Variants in RIMBP2 observed in about 807,000 individuals in gnomAD.
RIMBP2 encodes RIMS binding protein 2.
RIMBP2 carries 48 observed loss-of-function variants against 118.6 expected under a neutral mutation model. The observed-to-expected ratio is 0.40, with a 90% CI of 0.32 to 0.51. The LOEUF is 0.51. Among genes scored for constraint, RIMBP2 ranks in the 20% least tolerant of loss-of-function variants. The pLI, the probability that RIMBP2 is intolerant of heterozygous loss-of-function variation, is 0.41. For missense variants in RIMBP2, 1,551 were observed against 1,768.3 expected (o/e 0.88, Z 2.20); for synonymous variants, 762 against 742.9 (o/e 1.03, Z -0.42).
intron 15 of RIMBP2, 109 bp downstream of exon 15, chr12:130,428,070 G>A: frequency 1.9e-6 from 2 of 1,039,474 alleles, no homozygotes; most frequent in Non-Finnish European, 2.7e-6. Context: ...AGGGCTACTG[G>A]TTGTAGGGCA....
intron 2 of RIMBP2, among the ~76,000 whole-genome samples, chr12:130,572,854 G>A (rs1269466521): frequency 6.6e-6 from 1 of 152,142 alleles, no homozygotes; most frequent in Non-Finnish European, 1.5e-5. Flanking sequence ...CACCAACTCA[G>A]GGGACAGGTG....
At chr12:130,541,839 T>C (rs1326829886) in intron 2 of RIMBP2, among the ~76,000 whole-genome samples, 1 of 152,230 alleles carries the variant, frequency 6.6e-6, no homozygotes, top group East Asian at 1.9e-4. Flanking sequence ...TATATGTTTG[T>C]TGAACACTTT....
chr12:130,540,882 A>G (rs2054544524), intron 2 of RIMBP2, among the ~76,000 whole-genome samples: 1 of 152,150 alleles, frequency 6.6e-6, no homozygotes, highest in Non-Finnish European at 1.5e-5. Flanking sequence ...GGGTATTTCA[A>G]GGGGATTTGA....
intron 6 of RIMBP2, among the ~76,000 whole-genome samples, chr12:130,459,122 A>T (rs577753210): frequency 1.4e-4 from 22 of 152,024 alleles, no homozygotes; most frequent in Non-Finnish European, 2.8e-4. Flanking sequence ...ATAGCAATAA[A>T]GAACAGATCA....
At chr12:130,548,127 GAAGAC>G (rs2055356976) in intron 2 of RIMBP2, among the ~76,000 whole-genome samples, 1 of 150,982 alleles carries the variant, frequency 6.6e-6, no homozygotes, top group Non-Finnish European at 1.5e-5. Flanking sequence ...AGGAGTGACG[GAAGAC>G]AAGAAGCCCA....
intron 13 of RIMBP2, 66 bp downstream of exon 13, chr12:130,436,776 T>G: frequency 7.9e-7 from 1 of 1,270,232 alleles, no homozygotes; most frequent in Non-Finnish European, 1.0e-6. Flanking sequence ...GCTGGGGAGA[T>G]TACAGGGCCC....
intron 1 of RIMBP2, among the ~76,000 whole-genome samples, chr12:130,664,896 A>G (rs2063851508): frequency 1.3e-5 from 2 of 151,932 alleles, no homozygotes; most frequent in Admixed American, 6.5e-5. Context: ...CCTGCCAAGG[A>G]TGGGCCCATT....
intron 1 of RIMBP2, among the ~76,000 whole-genome samples, chr12:130,644,064 T>C (rs926822607): frequency 1.3e-5 from 2 of 152,006 alleles, no homozygotes; most frequent in African/African-American, 2.4e-5. Context: ...GCAGCCACCC[T>C]CCCAAAACAG....
intron 6 of RIMBP2, chr12:130,470,091 T>C (rs2080870207): frequency 6.6e-6 from 1 of 152,214 alleles, no homozygotes; most frequent in Non-Finnish European, 1.5e-5. Flanking sequence ...AGCCGTTGTT[T>C]CCTTCCCAAG....
chr12:130,649,922 C>A (rs1203768698), intron 1 of RIMBP2, among the ~76,000 whole-genome samples: 1 of 152,056 alleles, frequency 6.6e-6, no homozygotes, highest in Non-Finnish European at 1.5e-5. Flanking sequence ...CCCATAGGCT[C>A]AGGAGACTCC....
chr12:130,514,136 C>A (rs535798287), intron 3 of RIMBP2, among the ~76,000 whole-genome samples: 60 of 152,348 alleles, frequency 3.9e-4, no homozygotes, highest in African/African-American at 1.4e-3. Context: ...CCAAGCTCCG[C>A]AAAGCAGGCT....
Position 130,407,722 on chromosome 12 carries a change from G to A in RIMBP2, c.3693+4C>T, listed in dbSNP as rs1194579534. 1 of 1,611,366 alleles carries A rather than the reference G, an allele frequency of 6.2e-7. No homozygotes were observed. The highest frequency in any genetic ancestry group is 8.5e-7 in the Non-Finnish European group (1 of 1,177,528). Reference sequence around the variant, plus strand: ...CGTCATGAAGTGCAGTGTTTGGCTGGTACCTCGACATCGACGTTGGGCGAG... The same window carrying A: ...CGTCATGAAGTGCAGTGTTTGGCTGATACCTCGACATCGACGTTGGGCGAG... On this transcript the variant is annotated splice_donor_region_variant and intron_variant, in intron 20 of 22. Coordinates refer to ENST00000690449, the MANE Select transcript of RIMBP2 (RefSeq NM_001393629.1).
intron 20 of RIMBP2, 56 bp downstream of exon 20, chr12:130,407,670 G>A (rs534973556): frequency 2.2e-4 from 301 of 1,372,616 alleles, no homozygotes; most frequent in African/African-American, 2.0e-3. Flanking sequence ...GGTGTACCAC[G>A]AGGGAAGGGA....
At chr12:130,552,328 C>T (rs1467001717) in intron 2 of RIMBP2, among the ~76,000 whole-genome samples, 2 of 152,142 alleles carry the variant, frequency 1.3e-5, no homozygotes, top group Admixed American at 1.3e-4. Flanking sequence ...GCAAAGTTAC[C>T]TTAAGACAAA....
At chr12:130,433,945 C>T (rs1166551373) in intron 14 of RIMBP2, among the ~76,000 whole-genome samples, 1 of 152,214 alleles carries the variant, frequency 6.6e-6, no homozygotes, top group Admixed American at 6.5e-5. Flanking sequence ...CGATTTGGAT[C>T]TTCCAGATGA....
chr12:130,433,266 C>G (rs1011927041), intron 14 of RIMBP2, among the ~76,000 whole-genome samples: 1 of 152,198 alleles, frequency 6.6e-6, no homozygotes, highest in Admixed American at 6.5e-5. Flanking sequence ...GTGGAAAGAG[C>G]CAATTCCACC....
At chr12:130,502,898 C>T (rs950826702) in intron 4 of RIMBP2, among the ~76,000 whole-genome samples, 28 of 152,080 alleles carry the variant, frequency 1.8e-4, no homozygotes, top group African/African-American at 6.0e-4. Flanking sequence ...TTAGGTGCAC[C>T]GATGTACCCC....
chr12:130,530,500 G>A (rs2053255212), intron 2 of RIMBP2, among the ~76,000 whole-genome samples: 1 of 151,968 alleles, frequency 6.6e-6, no homozygotes, highest in South Asian at 2.1e-4. Flanking sequence ...AAGAAAAAGG[G>A]GACAATATAT....
In RIMBP2 at chr12:130,521,695, C is replaced by A. The variant is rs528222808; in HGVS notation, c.-216-3778G>T. Among the ~76,000 whole-genome samples the A allele has an allele frequency of 3.2e-4, 48 of 152,320 alleles. 1 individual carries two copies. Among genetic ancestry groups the A allele is most frequent in the Admixed American group, 5.9e-4 (9 of 15,308 alleles). Reference sequence around the variant, plus strand: ...CCCATGACTCCCACACTGCTGGGACCCTGACGGGGAGAACTTTCTGAGCTC... The same window carrying A: ...CCCATGACTCCCACACTGCTGGGACACTGACGGGGAGAACTTTCTGAGCTC... On this transcript the variant is annotated intron_variant, in intron 2 of 22. Transcript: ENST00000690449.
Sources: allele counts gnomAD v4.1 joint callset (sites outside exome capture counted in the v4.1 genomes callset), GRCh38; gene constraint gnomAD v4.1.1; transcripts MANE v1.5; gene names NCBI Gene and HGNC (gene_info 2026-07-23, HGNC 2026-07-21).